Variants in BBS9 observed in about 807,000 individuals in gnomAD.
The protein encoded by BBS9 is Bardet-Biedl syndrome 9, also known as protein PTHB1.
BBS9 carries 89 observed loss-of-function variants against 117.7 expected under a neutral mutation model. The observed-to-expected ratio is 0.76, with a 90% confidence interval of 0.64 to 0.90. The LOEUF (loss-of-function observed/expected upper bound fraction) is 0.90. BBS9 is among the 40% of genes least tolerant of loss of function. BBS9 has a pLI of 0.00. For synonymous variants in BBS9, 379 were observed against 370.9 expected, an observed-to-expected ratio of 1.02 and a Z score of -0.25; for missense variants, 982 against 1,042.2, an observed-to-expected ratio of 0.94 and a Z score of 0.80.
chr7:33,438,263 C>T (rs1311796106), intron 19 of BBS9, among the ~76,000 whole-genome samples: 1 of 152,088 alleles, frequency 6.6e-6, no homozygotes, highest in Non-Finnish European at 1.5e-5. Context: ...TATTTTTAAC[C>T]TCAGGGTAGG....
At chr7:33,288,361 T>C (rs1803313782) in intron 9 of BBS9, among the ~76,000 whole-genome samples, 1 of 152,130 alleles carries the variant, frequency 6.6e-6, no homozygotes, top group African/African-American at 2.4e-5. Flanking sequence ...CTCTGGGTGG[T>C]ACCTCAAAAT....
chr7:33,542,333 T>C (rs1260602970), intron 21 of BBS9, among the ~76,000 whole-genome samples: 1 of 152,160 alleles, frequency 6.6e-6, no homozygotes, highest in Non-Finnish European at 1.5e-5. Context: ...TCCACCCACC[T>C]CGGCCTCCCA....
At chr7:33,132,121 G>A (rs113384014) in intron 1 of BBS9, among the ~76,000 whole-genome samples, 200 of 152,226 alleles carry the variant, frequency 1.3e-3, no homozygotes, top group African/African-American at 4.6e-3. Context: ...TGACATACTT[G>A]CCTGTAGTTT....
At chr7:33,609,948 G>C (rs903038955), downstream of BBS9, among the ~76,000 whole-genome samples, 1 of 152,068 alleles carries the variant, frequency 6.6e-6, no homozygotes, top group African/African-American at 2.4e-5. Flanking sequence ...CCTTTAGCCA[G>C]ATTGTCAAGG....
intron 1 of BBS9, among the ~76,000 whole-genome samples, chr7:33,144,792 TAC>T (rs1792074005): frequency 6.6e-6 from 1 of 152,240 alleles, no homozygotes; most frequent in Non-Finnish European, 1.5e-5. Flanking sequence ...GTGAGAGTGA[TAC>T]ACATTCAATA....
chr7:33,305,127 C>T (rs940879729), intron 9 of BBS9, among the ~76,000 whole-genome samples: 7 of 137,932 alleles, frequency 5.1e-5, no homozygotes, highest in African/African-American at 1.6e-4. Flanking sequence ...CAAGAATGAT[C>T]AATAAATATT....
intron 9 of BBS9, among the ~76,000 whole-genome samples, chr7:33,299,876 G>T (rs1478699727): frequency 6.6e-6 from 1 of 152,128 alleles, no homozygotes; most frequent in African/African-American, 2.4e-5. Flanking sequence ...TTTGACTTTA[G>T]TGTTGGGGTT....
At chr7:33,545,088 A>G (rs1853083033) in intron 21 of BBS9, among the ~76,000 whole-genome samples, 1 of 152,114 alleles carries the variant, frequency 6.6e-6, no homozygotes, top group Admixed American at 6.5e-5. Context: ...AGAGGGCGAG[A>G]TGAGCTTGAA....
At chr7:33,616,696 A>C (rs185208872) in intron 21 of BBS9, among the ~76,000 whole-genome samples, 43 of 151,536 alleles carry the variant, frequency 2.8e-4, no homozygotes, top group African/African-American at 1.0e-3. Flanking sequence ...TTTTCATTTT[A>C]ATTTTTGCTT....
chr7:33,459,451 C>CA (rs535776955), intron 19 of BBS9, among the ~76,000 whole-genome samples: 171 of 152,074 alleles, frequency 1.1e-3, no homozygotes, highest in South Asian at 3.7e-3. Context: ...TCACAGCAAA[C>CA]AAGTATCCAG....
chr7:33,614,627 G>A (rs1865042520), intron 21 of BBS9, among the ~76,000 whole-genome samples: 1 of 151,986 alleles, frequency 6.6e-6, no homozygotes, highest in Non-Finnish European at 1.5e-5. Context: ...ACCTCTATGG[G>A]AGCTAGTATC....
intron 21 of BBS9, among the ~76,000 whole-genome samples, chr7:33,560,392 T>A (rs73109672): frequency 0.13 from 19,053 of 152,216 alleles, 1,262 homozygotes; most frequent in African/African-American, 0.17. Context: ...GAAGACATTT[T>A]TTCCAATCCC....
intron 9 of BBS9, among the ~76,000 whole-genome samples, chr7:33,311,610 AG>A (rs1809237527): frequency 2.0e-5 from 3 of 152,180 alleles, no homozygotes; most frequent in Non-Finnish European, 2.9e-5. Flanking sequence ...TGAGGTCAGG[AG>A]TTCGAGACCA....
At chr7:33,404,190 T>C (rs1225978819) in intron 19 of BBS9, among the ~76,000 whole-genome samples, 2 of 152,176 alleles carry the variant, frequency 1.3e-5, no homozygotes, top group Non-Finnish European at 2.9e-5. Context: ...TCTGTTCTGT[T>C]CCATTGATCT....
chr7:33,569,606 CA>C lies in BBS9; in HGVS notation c.2522-35253del, dbSNP rs1440183926. On this transcript the variant is annotated intron_variant, in intron 21 of 22. Transcript: ENST00000242067. Reference sequence around the variant, plus strand: ...TCTCTACTTAAAAAAAAAAAAAATACAAAAAATTAGCTGGGAAGGGTGGCTG... The same window carrying C: ...TCTCTACTTAAAAAAAAAAAAAATACAAAAATTAGCTGGGAAGGGTGGCTG... 1.3e-5 allele frequency among the ~76,000 whole-genome samples: 2 copies of C among 148,890 alleles called. 1 individual carries two copies. Among genetic ancestry groups the C allele is most frequent in the Non-Finnish European group, 3.0e-5 (2 of 67,046 alleles).
chr7:33,317,310 T>G (rs1810718957), intron 9 of BBS9, among the ~76,000 whole-genome samples: 1 of 152,210 alleles, frequency 6.6e-6, no homozygotes, highest in African/African-American at 2.4e-5. Context: ...CTATTCCTCT[T>G]TTTTCAAGGT....
intron 19 of BBS9, among the ~76,000 whole-genome samples, chr7:33,461,387 G>A (rs1355183901): frequency 6.6e-6 from 1 of 151,728 alleles, no homozygotes; most frequent in East Asian, 1.9e-4. Context: ...TGCTCAATTT[G>A]GAAACATACT....
intron 17 of BBS9, among the ~76,000 whole-genome samples, chr7:33,372,298 G>A (rs1417001357): frequency 6.6e-6 from 1 of 152,058 alleles, no homozygotes; most frequent in Non-Finnish European, 1.5e-5. Context: ...TATTGAAAAG[G>A]CCTGTTTGTA....
intron 21 of BBS9, among the ~76,000 whole-genome samples, chr7:33,624,911 G>A (rs1020970038): frequency 2.0e-5 from 3 of 152,266 alleles, no homozygotes; most frequent in African/African-American, 7.2e-5. Context: ...TCCTTTCAAC[G>A]ATTGAAACAT....
Sources: allele counts gnomAD v4.1 joint callset (sites outside exome capture counted in the v4.1 genomes callset), GRCh38; gene constraint gnomAD v4.1.1; transcripts MANE v1.5; gene names NCBI Gene and HGNC (gene_info 2026-07-23, HGNC 2026-07-21).